Variants in SLC43A2 observed in about 807,000 individuals in gnomAD.
The protein encoded by SLC43A2 is large neutral amino acids transporter small subunit 4.
A neutral mutation model predicts 63.2 loss-of-function variants in SLC43A2; 38 were observed. The observed-to-expected ratio is 0.60, with a 90% confidence interval of 0.46 to 0.79. The LOEUF (loss-of-function observed/expected upper bound fraction) is 0.79. Ranked by LOEUF, SLC43A2 falls within the 30% of genes least tolerant of loss-of-function variation. The probability of loss-of-function intolerance (pLI) is 0.00; values close to 1 mark genes in which losing one functional copy is unlikely to be tolerated. For missense variants in SLC43A2, 644 were observed against 756.2 expected (o/e 0.85, Z 1.74); for synonymous variants, 322 against 331.0 (o/e 0.97, Z 0.30).
chr17:1,597,896 G>A (rs1905472861), intron 5 of SLC43A2, among the ~76,000 whole-genome samples: 1 of 152,354 alleles, frequency 6.6e-6, no homozygotes, highest in Admixed American at 6.5e-5. Flanking sequence ...GCCCAGGCAC[G>A]CCCAGGTGAG....
chr17:1,627,672 C>A (rs1388766797), intron 2 of SLC43A2, 43 bp downstream of exon 2: 6 of 1,265,718 alleles, frequency 4.7e-6, no homozygotes, highest in Non-Finnish European at 6.3e-6. Context: ...CTCCCAAAGC[C>A]CCAGCTCCAG....
intron 9 of SLC43A2, 49 bp from the exon 10 acceptor site, chr17:1,586,100 G>T: frequency 6.5e-7 from 1 of 1,527,844 alleles, no homozygotes; most frequent in Non-Finnish European, 8.8e-7. Context: ...GACAGCCCTG[G>T]AGCAGGGACT....
At chr17:1,610,939 C>G (rs1907040502) in intron 5 of SLC43A2, among the ~76,000 whole-genome samples, 1 of 151,562 alleles carries the variant, frequency 6.6e-6, no homozygotes, top group African/African-American at 2.4e-5. Flanking sequence ...CTCCCGGCCT[C>G]AAGCGATTCT....
chr17:1,597,625 C>T (rs903717550), intron 5 of SLC43A2, among the ~76,000 whole-genome samples: 2 of 151,736 alleles, frequency 1.3e-5, no homozygotes, highest in African/African-American at 4.8e-5. Context: ...AATGGTGAAA[C>T]CCCATCTCTA....
intron 9 of SLC43A2, 57 bp from the exon 10 acceptor site, chr17:1,586,108 A>G (rs1421412578): frequency 6.6e-7 from 1 of 1,516,338 alleles, no homozygotes. Flanking sequence ...TGGAGCAGGG[A>G]CTGGGCACCA....
In SLC43A2 at chr17:1,573,856, G is replaced by A. The variant is rs1171130877; in HGVS notation, c.*1748C>T. ...TGGTCTCGAACTCCTGACCTCAGGTGAGCCTCCTGCCTTGGCCTCCCAAAG... is the reference window on the plus strand; with the variant it reads ...TGGTCTCGAACTCCTGACCTCAGGTAAGCCTCCTGCCTTGGCCTCCCAAAG... On this transcript the variant is annotated 3_prime_UTR_variant, in exon 14 of 14. Coordinates refer to ENST00000301335, the MANE Select transcript of SLC43A2 (RefSeq NM_152346.3). The A allele has an allele frequency of 6.6e-6, 1 of 152,260 alleles. No individual in the cohort carries two copies. The highest frequency in any genetic ancestry group is 1.5e-5 in the Non-Finnish European group (1 of 68,070). 9.4% of individuals were successfully genotyped at this position (152,260 alleles called of 1,614,324 possible).
intron 9 of SLC43A2, chr17:1,586,928 T>TGCCCCCCCCCCCCCCCCCCCCGG: frequency 8.1e-7 from 1 of 1,232,914 alleles, no homozygotes; most frequent in Non-Finnish European, 1.1e-6. Flanking sequence ...TCCCTGACAA[T>TGCCCCCCCCCCCCCCCCCCCCGG]CCCCCCCACC....
In SLC43A2 at chr17:1,605,073, C is replaced by T. The variant is rs1598474629; in HGVS notation, c.501+8122G>A. The T allele has an allele frequency of 7.4e-7, 1 of 1,346,906 alleles. No individual in the cohort carries two copies. The highest frequency in any genetic ancestry group is 9.6e-7 in the Non-Finnish European group (1 of 1,036,578). The allele number at this position is 1,346,906 out of a possible 1,614,324, so 83.4% of individuals were successfully genotyped here. On this transcript the variant is annotated intron_variant, in intron 5 of 13. Coordinates refer to ENST00000301335, the MANE Select transcript of SLC43A2 (RefSeq NM_152346.3). The surrounding 1 kb of genome is among the most constrained non-coding windows in gnomAD (Gnocchi z 4.9). ...CCGGAGCTGTTTCCTGACTCACCACCACACTCACAGGTGGGAGTGCAAGCC... is the reference window on the plus strand; with the variant it reads ...CCGGAGCTGTTTCCTGACTCACCACTACACTCACAGGTGGGAGTGCAAGCC...
chr17:1,585,415 T>G, intron 10 of SLC43A2: 1 of 326,478 alleles, frequency 3.1e-6, no homozygotes, highest in Non-Finnish European at 5.3e-6. Context: ...TGGCTAATTT[T>G]TTGTATTTTT....
Position 1,591,485 on chromosome 17 carries a change from A to G in SLC43A2, c.729-14T>C. On this transcript the variant is annotated splice_polypyrimidine_tract_variant and intron_variant, in intron 7 of 13. Transcript: ENST00000301335. ...TTGATCTTCACCCTGGGGCCCCGGG[A>G]GAGTGTCTGTGGGTGCTGCCCGGGA... 1 of 1,611,842 alleles carries G rather than the reference A, an allele frequency of 6.2e-7. No individual in the cohort carries two copies. The highest frequency in any genetic ancestry group is 8.5e-7 in the Non-Finnish European group (1 of 1,179,626).
intron 2 of SLC43A2, among the ~76,000 whole-genome samples, chr17:1,626,005 T>TAA (rs33959232): frequency 8.7e-4 from 128 of 147,608 alleles, no homozygotes; most frequent in Admixed American, 1.9e-3. Flanking sequence ...GACATTCTAT[T>TAA]AAAAAAAAAC....
At chr17:1,588,597 C>T (rs1268104894) in intron 9 of SLC43A2, among the ~76,000 whole-genome samples, 3 of 147,872 alleles carry the variant, frequency 2.0e-5, no homozygotes, top group Admixed American at 6.9e-5. Flanking sequence ...CTTAGGAGGC[C>T]GAGGTGGGAG....
chr17:1,618,996 A>C (rs1303825683), intron 2 of SLC43A2, among the ~76,000 whole-genome samples: 2 of 151,434 alleles, frequency 1.3e-5, no homozygotes, highest in East Asian at 3.9e-4. Flanking sequence ...AAAAAAACAA[A>C]AAACAAACAA....
rs1028722814 is a variant in SLC43A2 at position 1,571,135 on chromosome 17, G to C, written c.*4469C>G. 3.9e-5 allele frequency: 6 copies of C among 152,352 alleles called. No homozygotes were observed. Among genetic ancestry groups the C allele is most frequent in the Non-Finnish European group, 7.3e-5 (5 of 68,152 alleles). 9.4% of individuals were successfully genotyped at this position (152,352 alleles called of 1,614,324 possible). On this transcript the variant is annotated 3_prime_UTR_variant, in exon 14 of 14. Coordinates refer to ENST00000301335, the MANE Select transcript of SLC43A2 (RefSeq NM_152346.3). The surrounding 1 kb of genome is among the most constrained non-coding windows in gnomAD (Gnocchi z 5.2). ...GGGCTGAGCTGCGGAAGGCCACCCA[G>C]GTGGAGTGTGCTGCACCTCCTTCAG... is the stretch of plus-strand genomic sequence containing the variant.
intron 1 of SLC43A2, 189 bp from the exon 2 acceptor site, chr17:1,628,109 C>T (rs1014264678): frequency 9.0e-6 from 4 of 442,820 alleles, no homozygotes; most frequent in Non-Finnish European, 1.4e-5. Context: ...GCGGCCGGCT[C>T]GTACCGCTGC....
rs935387631 is a variant in SLC43A2 at position 1,574,184 on chromosome 17, T to G, written c.*1420A>C. ...TCGGTAGAGGAGGGTGGCTCACACT[T>G]CTAAGATGTCTGCACAAGCCCAGTT... On this transcript the variant is annotated 3_prime_UTR_variant, in exon 14 of 14. Transcript: ENST00000301335. 6.6e-6 allele frequency: 1 copy of G among 152,474 alleles called. No homozygotes were observed. Among genetic ancestry groups the G allele is most frequent in the Admixed American group, 6.6e-5 (1 of 15,266 alleles). The allele number at this position is 152,474 out of a possible 1,614,324, so 9.4% of individuals were successfully genotyped here. A position where few individuals can be genotyped will look rare whatever the true frequency, so the allele number is the denominator to read the frequency against.
chr17:1,617,935 A>G (rs988567691), intron 2 of SLC43A2, among the ~76,000 whole-genome samples: 5 of 152,234 alleles, frequency 3.3e-5, no homozygotes, highest in African/African-American at 1.2e-4. Context: ...CGGGACTGCT[A>G]GTTAAGAGAT....
At position 1,572,636 on chromosome 17, in the gene SLC43A2, AG is replaced by A. The variant is rs1394341910; in HGVS notation, c.*2967del. On this transcript the variant is annotated 3_prime_UTR_variant, in exon 14 of 14. Coordinates refer to ENST00000301335, the MANE Select transcript of SLC43A2 (RefSeq NM_152346.3). ...ACCCCTGACTAGGGGGTGGGAGTGC[AG>A]GGGGCACCCGACCCATCTGGCCAGC... 1.3e-5 allele frequency: 2 copies of A among 152,372 alleles called. No homozygotes were observed. Among genetic ancestry groups the A allele is most frequent in the African/African-American group, 2.4e-5 (1 of 41,470 alleles). The allele number at this position is 152,372 out of a possible 1,614,324, so 9.4% of individuals were successfully genotyped here. A position where few individuals can be genotyped will look rare whatever the true frequency, so the allele number is the denominator to read the frequency against.
Position 1,605,269 on chromosome 17 carries a change from G to A in SLC43A2, c.501+7926C>T, listed in dbSNP as rs1381030760. 13 of 1,054,672 alleles carry A rather than the reference G, an allele frequency of 1.2e-5. No individual in the cohort carries two copies. The highest frequency in any genetic ancestry group is 1.4e-5 in the Non-Finnish European group (12 of 867,144). The allele number at this position is 1,054,672 out of a possible 1,614,324, so 65.3% of individuals were successfully genotyped here. ...CAGCCCCCTGGCTGCAGCATAAACA[G>A]GCCGGACTGTGTGACCTTCCCAGAG... On this transcript the variant is annotated intron_variant, in intron 5 of 13. Transcript: ENST00000301335. The surrounding 1 kb of genome is among the most constrained non-coding windows in gnomAD (Gnocchi z 4.9).
Sources: gnomAD v4.1 joint callset for allele counts (sites outside exome capture counted in the v4.1 genomes callset) on GRCh38, gnomAD v4.1.1 for gene constraint, Gnocchi (gnomAD v3.1) non-coding constraint, MANE v1.5 for transcripts, NCBI Gene and HGNC (gene_info 2026-07-23, HGNC 2026-07-21) for gene names.